UBAP2L: variants seen among roughly 807,000 people sequenced by gnomAD.
UBAP2L encodes ubiquitin-associated protein 2-like.
UBAP2L carries 12 observed loss-of-function variants against 130.6 expected under a neutral mutation model. The observed-to-expected ratio is 0.09, with a 90% CI of 0.06 to 0.15. UBAP2L has a LOEUF of 0.15. UBAP2L is among the 10% of genes least tolerant of loss of function. The pLI is 1.00. For missense variants in UBAP2L, 965 were observed against 1,332.5 expected (o/e 0.72, Z 4.29); for synonymous variants, 503 against 524.7 (o/e 0.96, Z 0.57).
In UBAP2L at chr1:154,268,793, CCTG is replaced by C; in HGVS notation, c.3013_3015del (p.Ala1005del). The C allele has an allele frequency of 6.2e-7, 1 of 1,614,140 alleles. No homozygotes were observed. Among genetic ancestry groups the C allele is most frequent in the African/African-American group, 1.3e-5 (1 of 75,024 alleles). On this transcript the variant is annotated inframe_deletion, in exon 26 of 27. Coordinates refer to ENST00000428931, the MANE Select transcript of UBAP2L (RefSeq NM_014847.4). ...GAAACAAGGTTTTCATTCCGGTACT[CCTG>C]CTGCTTCCTTCAACTTGCCTTCAGC...
At chr1:154,241,005 A>T (rs1012833236) in intron 8 of UBAP2L, among the ~76,000 whole-genome samples, 1 of 144,464 alleles carries the variant, frequency 6.9e-6, no homozygotes, top group African/African-American at 2.6e-5. Context: ...AATCTTATTA[A>T]AACCCTGGTA....
intron 26 of UBAP2L, chr1:154,269,631 G>T: frequency 5.8e-6 from 2 of 346,226 alleles, no homozygotes; most frequent in Non-Finnish European, 5.7e-6. Context: ...GAAAACATTC[G>T]GTTACCAGAA....
At chr1:154,270,895 C>T (rs1558246907), downstream of UBAP2L, 2 of 1,542,986 alleles carry the variant, frequency 1.3e-6, no homozygotes, top group Middle Eastern at 1.7e-4. Flanking sequence ...TCCTCAATTT[C>T]GTCGATGACC....
intron 25 of UBAP2L, among the ~76,000 whole-genome samples, chr1:154,267,068 G>T: frequency 6.6e-6 from 1 of 151,804 alleles, no homozygotes; most frequent in Admixed American, 6.6e-5. Flanking sequence ...AGCACTGGGG[G>T]TCTGGGGGGG....
At chr1:154,243,413 CA>C (rs1267870026) in intron 10 of UBAP2L, 111 bp downstream of exon 10, 2 of 830,776 alleles carry the variant, frequency 2.4e-6, no homozygotes, top group Non-Finnish European at 3.7e-6. Context: ...TAATAATAAC[CA>C]AATTACATTA....
At chr1:154,260,609 G>A (rs1397503646) in intron 22 of UBAP2L, among the ~76,000 whole-genome samples, 1 of 152,248 alleles carries the variant, frequency 6.6e-6, no homozygotes, top group Non-Finnish European at 1.5e-5. Flanking sequence ...GAGGGAAGAT[G>A]AAAGAGAACA....
At chr1:154,247,099 TTTTTTCTC>T (rs1165739037) in intron 11 of UBAP2L, among the ~76,000 whole-genome samples, 1 of 152,204 alleles carries the variant, frequency 6.6e-6, no homozygotes, top group Non-Finnish European at 1.5e-5. Context: ...TGCTTTTTCT[TTTTTTCTC>T]TTTTTCTCTC....
intron 4 of UBAP2L, among the ~76,000 whole-genome samples, chr1:154,231,831 T>G (rs1378418140): frequency 6.6e-6 from 1 of 152,208 alleles, no homozygotes; most frequent in Admixed American, 6.5e-5. Context: ...CTGGAAGTTG[T>G]AGACATAATA....
At chr1:154,263,184 T>G in intron 24 of UBAP2L, 1 of 1,551,292 alleles carries the variant, frequency 6.4e-7, no homozygotes, top group Non-Finnish European at 8.7e-7. Context: ...GTGTTTTGTG[T>G]GTGTGTATAA....
Position 154,251,309 on chromosome 1 carries a change from G to GA in UBAP2L, c.1483dup (p.Thr495AsnfsTer3). The GA allele has an allele frequency of 6.2e-7, 1 of 1,611,890 alleles. No homozygotes were observed. Among genetic ancestry groups the GA allele is most frequent in the Non-Finnish European group, 8.5e-7 (1 of 1,179,316 alleles). ...AACAGCAGAAGAAAAAAGCCTCCTT[G>GA]ACTTCTAAGGTACTTAAACTTTTAG... On this transcript the variant is annotated frameshift_variant, in exon 13 of 27. Transcript: ENST00000428931. LOFTEE classifies it high-confidence loss of function.
At chr1:154,254,771 C>CTT in intron 15 of UBAP2L, 65 bp from the exon 16 acceptor site, 2 of 1,538,464 alleles carry the variant, frequency 1.3e-6, no homozygotes, top group East Asian at 4.5e-5. Flanking sequence ...TGCATCAGTG[C>CTT]TAACTTTCCT....
chr1:154,249,405 C>T lies in UBAP2L; in HGVS notation c.1181C>T (p.Ser394Leu), dbSNP rs757084602. The T allele has an allele frequency of 2.5e-6, 4 of 1,613,878 alleles. No individual in the cohort carries two copies. Among genetic ancestry groups the T allele is most frequent in the African/African-American group, 1.3e-5 (1 of 74,832 alleles). ...ACCACCTCCTCTTGGGACATGGGCT[C>T]GACGACACAATCCCCATCACTGGTG... ...STTTSSWDMG[S>L]TTQSPSLVQY... The change falls in exon 12 of 27, where the codon TCG (serine) becomes TTG (leucine). Residue 394 changes from serine to leucine, a missense_variant. Ser to Leu is a moderately radical substitution (Grantham distance 145). Around this residue, in one of 9 missense-constraint regions of UBAP2L, gnomAD observed 19 missense variants for 59.1 expected, o/e 0.32. Transcript: ENST00000428931.
chr1:154,250,163 G>A (rs1621773), intron 12 of UBAP2L, among the ~76,000 whole-genome samples: 152,099 of 152,292 alleles, frequency 1, 75,954 homozygotes, highest in East Asian at 1. Context: ...GGCTCAAGCA[G>A]TCCTCCCACC....
chr1:154,238,664 C>T (rs371911364), intron 8 of UBAP2L, among the ~76,000 whole-genome samples: 6 of 152,142 alleles, frequency 3.9e-5, no homozygotes, highest in Middle Eastern at 3.2e-3. Context: ...CTGAATGTGA[C>T]GCCACTATCG....
intron 12 of UBAP2L, 48 bp downstream of exon 12, chr1:154,249,485 C>T (rs773663598): frequency 6.2e-7 from 1 of 1,609,698 alleles, no homozygotes; most frequent in Admixed American, 1.7e-5. Flanking sequence ...TGGAGCATTA[C>T]TGTCAAGAGG....
chr1:154,235,276 C>T lies in UBAP2L; in HGVS notation c.529C>T (p.Arg177Cys), dbSNP rs1488417443. ...AGGAACAGAAAGAGGCAGAAGGGGC[C>T]GTGGCCGAGGCAGAGGTGATCAGTT... ...GRGTERGRRG[R>C]GRGRGGSGRR... Residue 177 changes from arginine (R) to cysteine (C), a missense_variant, in exon 6 of 27, where the codon CGT becomes TGT. By Grantham distance (180) the Arg-to-Cys change is radical (BLOSUM62 -3). Transcript: ENST00000428931. The T allele has an allele frequency of 3.9e-6, 3 of 777,366 alleles. No homozygotes were observed. Among genetic ancestry groups the T allele is most frequent in the Non-Finnish European group, 7.2e-6 (3 of 417,278 alleles). The allele number at this position is 777,366 out of a possible 1,614,324, so 48.2% of individuals were successfully genotyped here.
At chr1:154,225,292 G>C (rs1571571792) in intron 2 of UBAP2L, 79 bp downstream of exon 2, 2 of 1,504,930 alleles carry the variant, frequency 1.3e-6, no homozygotes, top group South Asian at 2.3e-5. Context: ...GCATCATTCT[G>C]TGCTTTGAAC....
chr1:154,237,151 A>T lies in UBAP2L; in HGVS notation c.703+15A>T. ...TGATGGGACGAGTGAGTGACCATTT[A>T]TCATTCATTTCTTGTCTCTGGGAAT... On this transcript the variant is annotated intron_variant, in intron 8 of 26. Transcript: ENST00000428931. The T allele has an allele frequency of 6.3e-7, 1 of 1,599,256 alleles. No homozygotes were observed. The highest frequency in any genetic ancestry group is 8.6e-7 in the Non-Finnish European group (1 of 1,166,898).
At position 154,263,340 on chromosome 1, in the gene UBAP2L, A is replaced by G. The variant is rs1036855487; in HGVS notation, c.2902+1643A>G. 9 of 1,420,946 alleles carry G rather than the reference A, an allele frequency of 6.3e-6. No homozygotes were observed. In the Admixed American group the frequency reaches 1.5e-4, roughly 24 times the overall value. 88.0% of individuals were successfully genotyped at this position (1,420,946 alleles called of 1,614,324 possible). A position where few individuals can be genotyped will look rare whatever the true frequency, so the allele number is the denominator to read the frequency against. ...CCCCTCCCCCATTTCCCTCTCCCCCATGTGTCTGACCCTGTCTTACCCATT... is the reference window on the plus strand; with the variant it reads ...CCCCTCCCCCATTTCCCTCTCCCCCGTGTGTCTGACCCTGTCTTACCCATT... On this transcript the variant is annotated intron_variant, in intron 24 of 26. Coordinates refer to ENST00000428931, the MANE Select transcript of UBAP2L (RefSeq NM_014847.4).
Sources: gnomAD v4.1 joint callset for allele counts (sites outside exome capture counted in the v4.1 genomes callset) on GRCh38, gnomAD v4.1.1 for gene constraint, gnomAD v4.1.1 regional missense constraint, MANE v1.5 for transcripts, NCBI Gene and HGNC (gene_info 2026-07-23, HGNC 2026-07-21) for gene names.